Variants in LOC128706665 observed in about 807,000 individuals in gnomAD.
At chr20:10,423,858 C>T in the LOC128706665 span, among the ~76,000 whole-genome samples, 19 of 152,192 alleles carry the variant, frequency 1.2e-4, no homozygotes, top group Non-Finnish European at 2.4e-4. Context: ...ATCACTGAGA[C>T]TCAGTACAGT....
the LOC128706665 span, among the ~76,000 whole-genome samples, chr20:10,416,222 A>G: frequency 1.3e-5 from 2 of 152,180 alleles, no homozygotes; most frequent in Admixed American, 6.5e-5. Flanking sequence ...CTTCTTCTAA[A>G]TTAAGAGGTG....
At chr20:10,414,916 TC>T in the LOC128706665 span, among the ~76,000 whole-genome samples, 1 of 152,118 alleles carries the variant, frequency 6.6e-6, no homozygotes, top group Non-Finnish European at 1.5e-5. Context: ...CAACGAATCC[TC>T]CCCAAAGCAC....
the LOC128706665 span, among the ~76,000 whole-genome samples, chr20:10,430,735 C>G: frequency 6.6e-6 from 1 of 152,090 alleles, no homozygotes; most frequent in African/African-American, 2.4e-5. Flanking sequence ...AAGTGAGAGC[C>G]AGGAAAGCTG....
chr20:10,416,920 T>C, the LOC128706665 span, among the ~76,000 whole-genome samples: 1 of 152,282 alleles, frequency 6.6e-6, no homozygotes, highest in Non-Finnish European at 1.5e-5. Flanking sequence ...AGCTGAAGGG[T>C]TGGTATAGAC....
chr20:10,432,549 T>G, the LOC128706665 span, among the ~76,000 whole-genome samples: 2 of 152,078 alleles, frequency 1.3e-5, no homozygotes, highest in Non-Finnish European at 2.9e-5. Context: ...TCCCAGCACT[T>G]TGGGATGCCG....
At chr20:10,424,108 T>G in the LOC128706665 span, among the ~76,000 whole-genome samples, 1 of 152,170 alleles carries the variant, frequency 6.6e-6, no homozygotes, top group Non-Finnish European at 1.5e-5. Context: ...TTTTTAGAGT[T>G]TTCATTTAAT....
chr20:10,417,436 C>A, the LOC128706665 span, among the ~76,000 whole-genome samples: 2 of 152,050 alleles, frequency 1.3e-5, no homozygotes, highest in Admixed American at 6.5e-5. Flanking sequence ...CACAGCAAGA[C>A]CCTGGTTCTA....
chr20:10,420,552 C>T, the LOC128706665 span: 2 of 152,198 alleles, frequency 1.3e-5, no homozygotes, highest in African/African-American at 4.8e-5. Flanking sequence ...CCTGCTACTT[C>T]CCCTGGATTT....
chr20:10,418,956 G>A, the LOC128706665 span, among the ~76,000 whole-genome samples: 1 of 151,996 alleles, frequency 6.6e-6, no homozygotes, highest in Non-Finnish European at 1.5e-5. Flanking sequence ...CTTTTAAGTT[G>A]TTAAGCTTCT....
chr20:10,426,251 ATTC>A, the LOC128706665 span, among the ~76,000 whole-genome samples: 3 of 152,332 alleles, frequency 2.0e-5, no homozygotes, highest in African/African-American at 7.2e-5. Flanking sequence ...CTACTAAGCA[ATTC>A]TTCAAGTCAA....
At chr20:10,424,873 G>A in the LOC128706665 span, among the ~76,000 whole-genome samples, 1 of 151,994 alleles carries the variant, frequency 6.6e-6, no homozygotes, top group Non-Finnish European at 1.5e-5. Context: ...CCAACATGGT[G>A]AAACCCTGTC....
chr20:10,426,642 T>C, the LOC128706665 span, among the ~76,000 whole-genome samples: 152,290 of 152,360 alleles, frequency 1, 76,110 homozygotes, highest in Middle Eastern at 1. Context: ...AAGTGATATG[T>C]CCGCCTCAGC....
the LOC128706665 span, among the ~76,000 whole-genome samples, chr20:10,429,976 T>C: frequency 2.0e-5 from 3 of 152,240 alleles, no homozygotes; most frequent in Non-Finnish European, 2.9e-5. Flanking sequence ...CCCACTGTTC[T>C]AGTCTACATC....
chr20:10,431,248 C>G, the LOC128706665 span, among the ~76,000 whole-genome samples: 231 of 152,196 alleles, frequency 1.5e-3, 2 homozygotes, highest in Non-Finnish European at 1.9e-4. Context: ...TGGGTTCCAA[C>G]TTATAAGGTG....
the LOC128706665 span, among the ~76,000 whole-genome samples, chr20:10,432,094 T>C: frequency 6.6e-6 from 1 of 152,212 alleles, no homozygotes; most frequent in Admixed American, 6.5e-5. Flanking sequence ...TTGACTTGGC[T>C]GAAGAGAGTT....
At chr20:10,432,381 G>C in the LOC128706665 span, among the ~76,000 whole-genome samples, 1 of 152,118 alleles carries the variant, frequency 6.6e-6, no homozygotes, top group African/African-American at 2.4e-5. Context: ...CCCAACCTAG[G>C]ACAATCTAGA....
At chr20:10,424,945 C>T in the LOC128706665 span, among the ~76,000 whole-genome samples, 2 of 151,430 alleles carry the variant, frequency 1.3e-5, no homozygotes, top group African/African-American at 4.9e-5. Context: ...CCCAGCTACT[C>T]GGGAGGCTGA....
the LOC128706665 span, among the ~76,000 whole-genome samples, chr20:10,425,014 T>C: frequency 6.6e-6 from 1 of 150,832 alleles, no homozygotes; most frequent in Non-Finnish European, 1.5e-5. Flanking sequence ...GATCATGCCA[T>C]TGCACTCCCA....
chr20:10,414,235 G>C, the LOC128706665 span, among the ~76,000 whole-genome samples: 1 of 150,276 alleles, frequency 6.7e-6, no homozygotes, highest in African/African-American at 2.4e-5. Context: ...GAAATGCTAC[G>C]ATATAAAACA....
Sources: gnomAD v4.1 joint callset for allele counts (sites outside exome capture counted in the v4.1 genomes callset) on GRCh38, gnomAD v4.1.1 for gene constraint, MANE v1.5 for transcripts.